The following ST3GAL5 variants were observed in gnomAD, a reference collection of about 807,000 sequenced individuals.
ST3GAL5 encodes the protein lactosylceramide alpha-2,3-sialyltransferase.
In ST3GAL5, 25 loss-of-function variants were observed where a neutral mutation model predicts 46.1. That is an observed-to-expected ratio of 0.54 (90% CI 0.40 to 0.76). The LOEUF (loss-of-function observed/expected upper bound fraction) is 0.76, where lower values mean the gene tolerates loss of function less well. Among genes scored for constraint, ST3GAL5 ranks in the 30% least tolerant of loss-of-function variants. The pLI is 0.00. For missense variants in ST3GAL5, 431 were observed against 521.2 expected, an observed-to-expected ratio of 0.83 and a Z score of 1.69; for synonymous variants, 182 against 192.7, an observed-to-expected ratio of 0.94 and a Z score of 0.46.
chr2:85,886,348 T>C (rs1031264847), intron 1 of ST3GAL5, among the ~76,000 whole-genome samples: 6 of 152,136 alleles, frequency 3.9e-5, no homozygotes, highest in African/African-American at 1.2e-4. Flanking sequence ...GGCAGGAGGA[T>C]TGCTTGACTC....
chr2:85,885,999 C>T (rs2104263217), intron 1 of ST3GAL5, among the ~76,000 whole-genome samples: 1 of 152,256 alleles, frequency 6.6e-6, no homozygotes, highest in South Asian at 2.1e-4. Flanking sequence ...TGCAAACTGC[C>T]CAAATGTCCA....
At chr2:85,846,165 C>T (rs1427078346) in intron 5 of ST3GAL5, 3 of 544,780 alleles carry the variant, frequency 5.5e-6, no homozygotes, top group Non-Finnish European at 9.8e-6. Context: ...CACTGCACTC[C>T]AGCCCTCTAG....
At chr2:85,856,548 T>C (rs1410566613) in intron 3 of ST3GAL5, 1 of 152,128 alleles carries the variant, frequency 6.6e-6, no homozygotes, top group East Asian at 1.9e-4. Context: ...CCATAGTGTA[T>C]TGCACAAAAT....
At chr2:85,863,061 T>G (rs546786374) in intron 2 of ST3GAL5, among the ~76,000 whole-genome samples, 12 of 152,190 alleles carry the variant, frequency 7.9e-5, no homozygotes, top group Non-Finnish European at 1.2e-4. Flanking sequence ...CCTCTTTTGT[T>G]AAATAAGGGC....
chr2:85,888,743 G>C (rs574420693), intron 1 of ST3GAL5, 81 bp downstream of exon 1: 1 of 1,073,294 alleles, frequency 9.3e-7, no homozygotes, highest in Non-Finnish European at 1.2e-6. Flanking sequence ...GCGCCCAGCC[G>C]GCCCGGGAAG....
intron 1 of ST3GAL5, among the ~76,000 whole-genome samples, chr2:85,886,716 C>T (rs1027633251): frequency 6.6e-6 from 1 of 152,128 alleles, no homozygotes; most frequent in Non-Finnish European, 1.5e-5. Flanking sequence ...CTGCGTGTCA[C>T]CGTCATATTT....
intron 1 of ST3GAL5, chr2:85,870,151 C>T (rs536854757): frequency 4.6e-4 from 216 of 466,978 alleles, no homozygotes; most frequent in Middle Eastern, 3.3e-3. Context: ...TGTGATTCTT[C>T]ATAAGTTTTT....
chr2:85,888,214 C>G (rs1290486563), intron 1 of ST3GAL5: 5 of 152,246 alleles, frequency 3.3e-5, no homozygotes, highest in African/African-American at 1.2e-4. Flanking sequence ...CTCGGAAAAC[C>G]CTGCGTTACT....
intron 1 of ST3GAL5, among the ~76,000 whole-genome samples, chr2:85,884,194 T>A (rs1687505919): frequency 6.6e-6 from 1 of 152,122 alleles, no homozygotes; most frequent in Non-Finnish European, 1.5e-5. Context: ...AACATTACAT[T>A]AGTTAGTATA....
intron 3 of ST3GAL5, chr2:85,849,168 A>G (rs1315518569): frequency 6.6e-6 from 1 of 152,328 alleles, no homozygotes; most frequent in African/African-American, 2.4e-5. Flanking sequence ...GCTTGAGCCC[A>G]GGAGTTCGAG....
rs747582645 is a variant in ST3GAL5, at chr2:85,863,427, C to T, written c.141G>A (p.Leu47=). The T allele has an allele frequency of 1.2e-6, 2 of 1,614,060 alleles. No individual in the cohort carries two copies. Among genetic ancestry groups the T allele is most frequent in the African/African-American group, 2.7e-5 (2 of 74,908 alleles). ...TGCTTTGAGCTCGGGTGTACCATTG[C>T]AGGGAAGGCCTCGAGCAATCACTTC... ...KLRSDCSRPS[L]QWYTRAQSKM... Residue 47 remains leucine, a synonymous_variant, in exon 2 of 7, where the codon CTG becomes CTA. Transcript: ENST00000638572.
chr2:85,878,702 C>T (rs1048252928), intron 1 of ST3GAL5, among the ~76,000 whole-genome samples: 2 of 152,194 alleles, frequency 1.3e-5, no homozygotes, highest in Non-Finnish European at 2.9e-5. Context: ...ATAAATAAGA[C>T]ACAGCCGCTT....
intron 3 of ST3GAL5, among the ~76,000 whole-genome samples, chr2:85,852,142 A>C (rs1175106745): frequency 6.6e-6 from 1 of 152,230 alleles, no homozygotes; most frequent in Non-Finnish European, 1.5e-5. Context: ...ATTCTTAGTA[A>C]AAGGCAATGT....
chr2:85,844,247 G>T, intron 6 of ST3GAL5, 149 bp downstream of exon 6: 1 of 967,218 alleles, frequency 1.0e-6, no homozygotes, highest in Non-Finnish European at 1.6e-6. Flanking sequence ...GCAGCCAAGT[G>T]CAGAGTGGTA....
At chr2:85,863,306 G>A (rs1204248013) in intron 2 of ST3GAL5, 56 bp downstream of exon 2, 16 of 1,612,020 alleles carry the variant, frequency 9.9e-6, no homozygotes, top group Non-Finnish European at 1.3e-5. Flanking sequence ...TTTTCTCCTA[G>A]TTCTACACAG....
At chr2:85,864,348 A>C (rs1490456784) in intron 1 of ST3GAL5, among the ~76,000 whole-genome samples, 4 of 152,218 alleles carry the variant, frequency 2.6e-5, no homozygotes, top group Non-Finnish European at 5.9e-5. Flanking sequence ...AGAGCTACAT[A>C]CAGAAATATC....
At chr2:85,851,085 T>G in intron 3 of ST3GAL5, 1 of 209,624 alleles carries the variant, frequency 4.8e-6, no homozygotes, top group Non-Finnish European at 8.4e-6. Context: ...CCCGGCTACT[T>G]TTTGTATTTT....
At chr2:85,851,804 A>G (rs1683543821) in intron 3 of ST3GAL5, 1 of 1,016,734 alleles carries the variant, frequency 9.8e-7, no homozygotes, top group Non-Finnish European at 1.3e-6. Context: ...GCATTCATCC[A>G]GATGAGGCTC....
intron 4 of ST3GAL5, chr2:85,846,924 A>G (rs1009507240): frequency 1.4e-5 from 3 of 218,024 alleles, no homozygotes; most frequent in Non-Finnish European, 2.8e-5. Context: ...CAAAAAAGGA[A>G]TCAGAAGGGA....
Sources: allele counts gnomAD v4.1 joint callset (sites outside exome capture counted in the v4.1 genomes callset), GRCh38; gene constraint gnomAD v4.1.1; transcripts MANE v1.5; gene names NCBI Gene and HGNC (gene_info 2026-07-23, HGNC 2026-07-21).